VIT: variants seen among roughly 807,000 people sequenced by gnomAD.
VIT encodes vitrin.
VIT carries 99 observed loss-of-function variants against 78.0 expected under a neutral mutation model. The observed-to-expected ratio is 1.27, with a 90% CI of 1.08 to 1.50. VIT has a LOEUF of 1.50. Ranked by LOEUF, VIT falls within the 40% of genes most tolerant of loss-of-function variation. The pLI, the probability that VIT is intolerant of heterozygous loss-of-function variation, is 0.00. For synonymous variants in VIT, 374 were observed against 334.3 expected (o/e 1.12, Z -1.29); for missense variants, 1,126 against 875.3 (o/e 1.29, Z -3.61).
chr2:36,799,309 G>T (rs1666142162), intron 12 of VIT, among the ~76,000 whole-genome samples: 1 of 152,154 alleles, frequency 6.6e-6, no homozygotes, highest in Non-Finnish European at 1.5e-5. Flanking sequence ...GGTCCGCATG[G>T]ACTCACTAAG....
At chr2:36,704,275 T>C (rs1296095708) in intron 1 of VIT, among the ~76,000 whole-genome samples, 1 of 152,176 alleles carries the variant, frequency 6.6e-6, no homozygotes, top group African/African-American at 2.4e-5. Context: ...CCTGCTCTGA[T>C]GAATGGGTGC....
rs529534403 is a variant in VIT at position 36,787,001 on chromosome 2, C to T, written c.911-128C>T. 1.1e-5 allele frequency: 13 copies of T among 1,211,328 alleles called. No homozygotes were observed. The East Asian group carries it at 2.8e-4, about 26-fold the overall frequency. 75.0% of individuals were successfully genotyped at this position (1,211,328 alleles called of 1,614,324 possible). ...GGATGTAAATAAATATACCCTGCATCTTCCTACCTCTTTTTCCCTTTCTTT... is the reference window on the plus strand; with the variant it reads ...GGATGTAAATAAATATACCCTGCATTTTCCTACCTCTTTTTCCCTTTCTTT... On this transcript the variant is annotated intron_variant, in intron 11 of 15. Transcript: ENST00000379242.
intron 6 of VIT, among the ~76,000 whole-genome samples, chr2:36,761,684 G>A (rs1239200983): frequency 6.6e-6 from 1 of 151,964 alleles, no homozygotes; most frequent in Non-Finnish European, 1.5e-5. Context: ...AGGTTGCAGT[G>A]AGCCAAGATC....
intron 1 of VIT, among the ~76,000 whole-genome samples, chr2:36,699,584 T>TTATATATATATATA (rs60414565): frequency 8.4e-5 from 7 of 83,624 alleles, no homozygotes; most frequent in Admixed American, 1.6e-4. Flanking sequence ...TTAGAGGAGA[T>TTATATATATATATA]TATAGATATA....
chr2:36,781,618 G>T, intron 9 of VIT, 109 bp from the exon 10 acceptor site: 1 of 1,258,600 alleles, frequency 7.9e-7, no homozygotes, highest in Non-Finnish European at 1.1e-6. Flanking sequence ...TTCCTTTATT[G>T]AACTTTCAGA....
At chr2:36,704,561 C>T (rs2148416037) in intron 1 of VIT, among the ~76,000 whole-genome samples, 1 of 152,274 alleles carries the variant, frequency 6.6e-6, no homozygotes, top group African/African-American at 2.4e-5. Context: ...TGAAGTAGGA[C>T]ATTAGGTGGT....
intron 4 of VIT, among the ~76,000 whole-genome samples, chr2:36,744,964 C>G (rs1436803017): frequency 6.6e-6 from 1 of 152,102 alleles, no homozygotes; most frequent in African/African-American, 2.4e-5. Flanking sequence ...ACATGTAAGT[C>G]TTTAATCCAT....
intron 7 of VIT, among the ~76,000 whole-genome samples, chr2:36,768,085 C>T (rs1321145743): frequency 6.6e-6 from 1 of 152,188 alleles, no homozygotes; most frequent in Non-Finnish European, 1.5e-5. Context: ...CCTTCCCCCT[C>T]TCCGCTCCCA....
intron 1 of VIT, among the ~76,000 whole-genome samples, chr2:36,713,775 C>G (rs1665958064): frequency 6.6e-6 from 1 of 152,166 alleles, no homozygotes; most frequent in Non-Finnish European, 1.5e-5. Flanking sequence ...TCAAGGATAA[C>G]TCGGATGAAA....
In VIT at chr2:36,783,403, G is replaced by A. The variant is rs759415626; in HGVS notation, c.910+1G>A. 1.2e-6 allele frequency: 2 copies of A among 1,614,070 alleles called. No individual in the cohort carries two copies. The highest frequency in any genetic ancestry group is 1.7e-6 in the Non-Finnish European group (2 of 1,179,980). ...GAGCCAGTATCCCTGGGAGATCCAA[G>A]TAAGTTAATTGACAACTAGAAACCC... On this transcript the variant is annotated splice_donor_variant, in intron 11 of 15. Transcript: ENST00000379242. LOFTEE classifies it high-confidence loss of function.
rs1299739634 is a variant in VIT at position 36,814,466 on chromosome 2, G to A, written c.*105G>A. 6.7e-6 allele frequency: 9 copies of A among 1,340,722 alleles called. No homozygotes were observed. The South Asian group carries it at 9.3e-5, about 14-fold the overall frequency. The allele number at this position is 1,340,722 out of a possible 1,614,324, so 83.1% of individuals were successfully genotyped here. On this transcript the variant is annotated 3_prime_UTR_variant, in exon 16 of 16. Transcript: ENST00000379242. ...CACGGTGCATCAAGTCTTGGGCAGGGCATGGAGAAACAAATGTCTTGTTAT... is the reference window on the plus strand; with the variant it reads ...CACGGTGCATCAAGTCTTGGGCAGGACATGGAGAAACAAATGTCTTGTTAT...
At chr2:36,735,671 G>A (rs1311453817) in intron 3 of VIT, among the ~76,000 whole-genome samples, 1 of 152,334 alleles carries the variant, frequency 6.6e-6, no homozygotes, top group Admixed American at 6.5e-5. Flanking sequence ...CCTGAGGTGG[G>A]TGCTTCTCAA....
chr2:36,797,663 C>T (rs949022577), intron 12 of VIT, among the ~76,000 whole-genome samples: 2 of 152,076 alleles, frequency 1.3e-5, no homozygotes, highest in African/African-American at 2.4e-5. Flanking sequence ...AGAAAGGGGA[C>T]CAACCAGTGC....
intron 11 of VIT, among the ~76,000 whole-genome samples, chr2:36,786,761 G>A (rs1017458768): frequency 1.3e-5 from 2 of 152,196 alleles, no homozygotes; most frequent in South Asian, 2.1e-4. Context: ...AAAGCCACAC[G>A]CTCTTGCGAC....
intron 5 of VIT, 70 bp downstream of exon 5, chr2:36,755,124 G>C (rs770236050): frequency 5.6e-5 from 82 of 1,473,464 alleles, no homozygotes; most frequent in Non-Finnish European, 6.8e-5. Context: ...TCATTGTGCT[G>C]TTGGTTTTTG....
At chr2:36,793,402 G>A (rs1665642479) in intron 12 of VIT, among the ~76,000 whole-genome samples, 1 of 152,112 alleles carries the variant, frequency 6.6e-6, no homozygotes, top group Non-Finnish European at 1.5e-5. Flanking sequence ...CCCATTCATC[G>A]AGGGCTAGTT....
intron 12 of VIT, among the ~76,000 whole-genome samples, chr2:36,800,610 G>C (rs1043824710): frequency 6.6e-6 from 1 of 152,062 alleles, no homozygotes; most frequent in Non-Finnish European, 1.5e-5. Context: ...TCTTGGGTGC[G>C]ATGCACACAC....
intron 15 of VIT, among the ~76,000 whole-genome samples, chr2:36,811,334 C>T (rs1667150763): frequency 2.0e-5 from 3 of 152,226 alleles, no homozygotes; most frequent in Non-Finnish European, 2.9e-5. Context: ...TCAGCTACAT[C>T]ATCACTTTTT....
chr2:36,699,000 T>TAA (rs67982972), intron 1 of VIT, among the ~76,000 whole-genome samples: 436 of 149,012 alleles, frequency 2.9e-3, no homozygotes, highest in African/African-American at 8.4e-3. Flanking sequence ...CCCCACATAT[T>TAA]AAAAAAAAAA....
Sources: gnomAD v4.1 joint callset for allele counts (sites outside exome capture counted in the v4.1 genomes callset) on GRCh38, gnomAD v4.1.1 for gene constraint, MANE v1.5 for transcripts, NCBI Gene and HGNC (gene_info 2026-07-23, HGNC 2026-07-21) for gene names.